KALRN: variants seen among roughly 807,000 people sequenced by gnomAD.
The protein encoded by KALRN is kalirin.
In KALRN, 70 loss-of-function variants were observed where a neutral mutation model predicts 353.7. The observed-to-expected ratio is 0.20, with a 90% confidence interval of 0.16 to 0.24. The LOEUF (loss-of-function observed/expected upper bound fraction) is 0.24. Among genes scored for constraint, KALRN ranks in the 10% least tolerant of loss-of-function variants. KALRN has a pLI of 1.00. For missense variants in KALRN, 2,791 were observed against 3,756.7 expected (o/e 0.74, Z 6.72); for synonymous variants, 1,391 against 1,434.8 (o/e 0.97, Z 0.69).
intron 21 of KALRN, among the ~76,000 whole-genome samples, chr3:124,447,691 G>C (rs966431699): frequency 1.3e-5 from 2 of 152,116 alleles, no homozygotes; most frequent in Non-Finnish European, 2.9e-5. Flanking sequence ...CATCCTATCC[G>C]GAGATCCCTC....
chr3:124,286,430 T>G (rs2075916901), intron 5 of KALRN, among the ~76,000 whole-genome samples: 1 of 152,054 alleles, frequency 6.6e-6, no homozygotes, highest in Non-Finnish European at 1.5e-5. Flanking sequence ...TTTTTGTCTT[T>G]TTAGTAGAGA....
At chr3:124,565,054 A>G (rs986909) in intron 34 of KALRN, among the ~76,000 whole-genome samples, 57,046 of 151,972 alleles carry the variant, frequency 0.38, 11,305 homozygotes, top group African/African-American at 0.51. Flanking sequence ...TGAACTCAGA[A>G]CATATTTAAA....
At chr3:124,300,543 C>T (rs1369533327) in intron 6 of KALRN, among the ~76,000 whole-genome samples, 5 of 152,204 alleles carry the variant, frequency 3.3e-5, no homozygotes, top group African/African-American at 1.2e-4. Context: ...CTGAAACTTT[C>T]CAACTAGAAG....
chr3:124,479,793 G>A (rs903131921), intron 27 of KALRN, among the ~76,000 whole-genome samples: 2 of 145,292 alleles, frequency 1.4e-5, no homozygotes, highest in African/African-American at 2.6e-5. Context: ...GCGCGATCTC[G>A]GCTCACTGCA....
chr3:124,282,458 A>G (rs2075446553), intron 5 of KALRN, among the ~76,000 whole-genome samples: 1 of 150,544 alleles, frequency 6.6e-6, no homozygotes, highest in South Asian at 2.1e-4. Flanking sequence ...GCTCACCACA[A>G]CCTCTGCCTC....
At chr3:124,330,123 TG>T in intron 8 of KALRN, 131 bp downstream of exon 8, 1 of 991,892 alleles carries the variant, frequency 1.0e-6, no homozygotes, top group East Asian at 2.7e-5. Context: ...TCTTTTTTTT[TG>T]GTGACATCTT....
At chr3:124,544,102 T>A (rs1213945990) in intron 33 of KALRN, among the ~76,000 whole-genome samples, 2 of 152,184 alleles carry the variant, frequency 1.3e-5, no homozygotes, top group Non-Finnish European at 2.9e-5. Context: ...TTAAATACTG[T>A]AATAAAGGAA....
chr3:124,094,537 G>A, intron 1 of KALRN: 2 of 437,590 alleles, frequency 4.6e-6, no homozygotes, highest in Admixed American at 3.4e-5. Flanking sequence ...TGCAAACCTC[G>A]CGTCTTTGCG....
At chr3:124,129,833 C>T (rs1182080761) in intron 1 of KALRN, among the ~76,000 whole-genome samples, 1 of 152,112 alleles carries the variant, frequency 6.6e-6, no homozygotes, top group Non-Finnish European at 1.5e-5. Flanking sequence ...TTGTTTTAAC[C>T]TCATTTCATC....
chr3:124,126,298 T>G (rs1238788501), intron 1 of KALRN, among the ~76,000 whole-genome samples: 2 of 152,202 alleles, frequency 1.3e-5, no homozygotes, highest in African/African-American at 4.8e-5. Context: ...ATTTTTTTCC[T>G]CAATATTATG....
At chr3:124,449,619 T>A (rs746954754) in intron 21 of KALRN, among the ~76,000 whole-genome samples, 5 of 152,242 alleles carry the variant, frequency 3.3e-5, no homozygotes, top group Non-Finnish European at 7.3e-5. Flanking sequence ...CACAAAGTTG[T>A]GCAAACATTG....
chr3:124,384,741 A>G (rs2087940015), intron 10 of KALRN, 104 bp from the exon 11 acceptor site: 1 of 1,123,780 alleles, frequency 8.9e-7, no homozygotes, highest in Non-Finnish European at 1.3e-6. Context: ...GGGAGCTGTC[A>G]GCTCAGCGCC....
intron 34 of KALRN, among the ~76,000 whole-genome samples, chr3:124,575,392 T>A (rs1402782790): frequency 6.6e-6 from 1 of 152,200 alleles, no homozygotes; most frequent in Non-Finnish European, 1.5e-5. Context: ...GTGTCTCCTG[T>A]CTCATTTCCA....
chr3:124,309,431 C>G (rs1279269073), intron 6 of KALRN, among the ~76,000 whole-genome samples: 2 of 152,112 alleles, frequency 1.3e-5, no homozygotes, highest in African/African-American at 4.8e-5. Context: ...CATGGTGGTG[C>G]TCACGAATAG....
intron 1 of KALRN, among the ~76,000 whole-genome samples, chr3:124,100,111 C>T (rs1220610647): frequency 2.6e-5 from 4 of 152,152 alleles, no homozygotes; most frequent in African/African-American, 9.7e-5. Context: ...TTTCAGTGAG[C>T]CAAGATTGTG....
At chr3:124,550,786 G>A (rs1377177022) in intron 33 of KALRN, among the ~76,000 whole-genome samples, 1 of 152,052 alleles carries the variant, frequency 6.6e-6, no homozygotes, top group African/African-American at 2.4e-5. Flanking sequence ...TCAGGAGATC[G>A]AGACCACCCT....
At chr3:124,176,754 ATC>A (rs1311248628) in intron 1 of KALRN, among the ~76,000 whole-genome samples, 2 of 152,194 alleles carry the variant, frequency 1.3e-5, no homozygotes, top group African/African-American at 4.8e-5. Flanking sequence ...TAGCACTGCT[ATC>A]TCCTGTTTTC....
chr3:124,147,980 C>T (rs999130856), intron 1 of KALRN, among the ~76,000 whole-genome samples: 1 of 152,128 alleles, frequency 6.6e-6, no homozygotes, highest in Non-Finnish European at 1.5e-5. Flanking sequence ...GTTGTGGGGC[C>T]TTTAGTGAGG....
chr3:124,335,880 T>G (rs150345713), intron 9 of KALRN, among the ~76,000 whole-genome samples: 90 of 152,308 alleles, frequency 5.9e-4, no homozygotes, highest in African/African-American at 2.1e-3. Context: ...TGTAATCCAT[T>G]GTATATTTCC....
Sources: gnomAD v4.1 joint callset for allele counts (sites outside exome capture counted in the v4.1 genomes callset) on GRCh38, gnomAD v4.1.1 for gene constraint, MANE v1.5 for transcripts, NCBI Gene and HGNC (gene_info 2026-07-23, HGNC 2026-07-21) for gene names.